CARD8: variants seen among roughly 807,000 people sequenced by gnomAD.
The protein encoded by CARD8 is caspase recruitment domain family member 8, also known as caspase recruitment domain-containing protein 8.
CARD8 carries 38 observed loss-of-function variants against 53.2 expected under a neutral mutation model. The ratio of observed to expected loss-of-function variants is 0.71; its 90% CI spans 0.55 to 0.94. The LOEUF (loss-of-function observed/expected upper bound fraction) is 0.94. CARD8 is among the 40% of genes least tolerant of loss of function. The pLI is 0.00. For synonymous variants in CARD8, 245 were observed against 244.9 expected (o/e 1.00, Z 0.00); for missense variants, 561 against 655.5 (o/e 0.86, Z 1.57).
chr19:48,235,672 C>A (rs2043745913), intron 5 of CARD8, among the ~76,000 whole-genome samples: 1 of 152,140 alleles, frequency 6.6e-6, no homozygotes, highest in South Asian at 2.1e-4. Context: ...TCATGAGCCA[C>A]CGCACCCAGC....
chr19:48,235,506 A>T (rs1392832915), intron 5 of CARD8, among the ~76,000 whole-genome samples: 3 of 151,964 alleles, frequency 2.0e-5, no homozygotes, highest in African/African-American at 4.8e-5. Context: ...AACTAAAAGA[A>T]TTTTTCTGGG....
chr19:48,225,804 G>C (rs2041650156), intron 10 of CARD8, among the ~76,000 whole-genome samples: 1 of 152,120 alleles, frequency 6.6e-6, no homozygotes, highest in Non-Finnish European at 1.5e-5. Context: ...TGTAATCTCA[G>C]CACTTTGGGA....
chr19:48,223,670 G>C (rs556002938), intron 10 of CARD8: 201 of 335,098 alleles, frequency 6.0e-4, no homozygotes, highest in African/African-American at 4.0e-3. Flanking sequence ...ATATCACATT[G>C]CTAGGGTTAT....
rs371606988 is a variant in CARD8, at chr19:48,242,061, TG to T, written c.-43-999del. On this transcript the variant is annotated intron_variant, in intron 3 of 13. Transcript: ENST00000651546. ...TCTGTCTCCATAGGTTGACTCATTC[TG>T]GACATTTGATTTAATAGGAGTTGTT... 2.8e-3 allele frequency among the ~76,000 whole-genome samples: 430 copies of T among 152,090 alleles called. 1 individual carries two copies. Among genetic ancestry groups the T allele is most frequent in the African/African-American group, 9.5e-3 (393 of 41,388 alleles).
chr19:48,217,511 T>C (rs1013527003), intron 12 of CARD8, among the ~76,000 whole-genome samples: 5 of 152,260 alleles, frequency 3.3e-5, no homozygotes, highest in Middle Eastern at 3.2e-3. Flanking sequence ...TTTTATGTTA[T>C]AGTATGGAAT....
chr19:48,224,914 C>T (rs888515192), intron 10 of CARD8, among the ~76,000 whole-genome samples: 6 of 151,858 alleles, frequency 4.0e-5, no homozygotes, highest in Non-Finnish European at 4.4e-5. Context: ...CCACCGTGCC[C>T]GGCTAATTGT....
At chr19:48,247,432 C>T (rs1261475911) in intron 3 of CARD8, among the ~76,000 whole-genome samples, 1 of 152,034 alleles carries the variant, frequency 6.6e-6, no homozygotes, top group Non-Finnish European at 1.5e-5. Flanking sequence ...AAATAATATG[C>T]AATTTTAAAA....
downstream of CARD8, among the ~76,000 whole-genome samples, chr19:48,207,739 T>TTTTTGTTTTGTTTTG (rs2037445209): frequency 2.1e-5 from 2 of 97,088 alleles, no homozygotes; most frequent in African/African-American, 3.5e-5. Flanking sequence ...TTTCTGTTTT[T>TTTTTGTTTTGTTTTG]TTTTTTTTTT....
chr19:48,238,449 A>T lies in CARD8; in HGVS notation c.143T>A (p.Ile48Lys). 6.5e-7 allele frequency: 1 copy of T among 1,536,182 alleles called. No homozygotes were observed. Among genetic ancestry groups the T allele is most frequent in the Non-Finnish European group, 8.7e-7 (1 of 1,146,922 alleles). ...AGTTTTTGTGTATTGCAGTTCCCGT[A>T]TGCTATTGTCAACCAACAGTTTCCG... ...GSRKLLVDNS[I>K]RELQYTKTGI... Residue 48 changes from isoleucine (I) to lysine (K), a missense_variant, in exon 5 of 14, where the codon ATA (isoleucine) becomes AAA (lysine). Transcript: ENST00000651546.
At chr19:48,242,067 T>C (rs2045240083) in intron 3 of CARD8, among the ~76,000 whole-genome samples, 1 of 152,150 alleles carries the variant, frequency 6.6e-6, no homozygotes, top group Non-Finnish European at 1.5e-5. Context: ...ATTCTGGACA[T>C]TTGATTTAAT....
In CARD8 at chr19:48,230,795, G is replaced by A. The variant is rs764067338; in HGVS notation, c.754C>T (p.His252Tyr). The A allele has an allele frequency of 1.9e-6, 3 of 1,613,866 alleles. No individual in the cohort carries two copies. The highest frequency in any genetic ancestry group is 1.3e-5 in the African/African-American group (1 of 74,922). Reference sequence around the variant, plus strand: ...ACATTACCTTGGAGGGAGATGAAGTGGGGGAGGTGGATTTCGGCGACAGCC... The same window carrying A: ...ACATTACCTTGGAGGGAGATGAAGTAGGGGAGGTGGATTTCGGCGACAGCC... ...EEAVAEIHLP[H>Y]FISLQAGEVD... The change falls in exon 9 of 14, where the codon CAC becomes TAC. Residue 252 changes from histidine (H) to tyrosine (Y), a missense_variant. Coordinates refer to ENST00000651546, the MANE Select transcript of CARD8 (RefSeq NM_001184900.3).
In CARD8 at chr19:48,232,859, C is replaced by T. The variant is rs148279167; in HGVS notation, c.351-366G>A. 615 of 457,814 alleles carry T rather than the reference C, an allele frequency of 1.3e-3. 3 individuals are homozygous for T. Among genetic ancestry groups the T allele is most frequent in the African/African-American group, 0.011 (539 of 50,346 alleles). The allele number at this position is 457,814 out of a possible 1,614,324, so 28.4% of individuals were successfully genotyped here. ...ACATTTATAAATAATAGAGATAACA[C>T]ACTCCCTTGAGCCAAATGTGTCTTG... is the stretch of plus-strand genomic sequence containing the variant. On this transcript the variant is annotated intron_variant, in intron 6 of 13. Transcript: ENST00000651546.
Position 48,237,965 on chromosome 19 carries a change from A to G in CARD8, c.209+418T>C, listed in dbSNP as rs182428891. On this transcript the variant is annotated intron_variant, in intron 5 of 13. Coordinates refer to ENST00000651546, the MANE Select transcript of CARD8 (RefSeq NM_001184900.3). ...GAGTGCAGTTGCACGATCTCGGCTC[A>G]CTGCAACCTCCGCCTCCCAGGTTTG... Among the ~76,000 whole-genome samples the G allele has an allele frequency of 4.5e-4, 68 of 151,816 alleles. No homozygotes were observed. The East Asian group carries it at 0.01, about 22-fold the overall frequency.
At chr19:48,207,487 AT>A (rs2037401311), downstream of CARD8, among the ~76,000 whole-genome samples, 2 of 73,424 alleles carry the variant, frequency 2.7e-5, no homozygotes, top group African/African-American at 7.5e-5. Flanking sequence ...AAAATGTAGT[AT>A]TTTTATGGCT....
chr19:48,231,605 C>A, intron 8 of CARD8, 55 bp downstream of exon 8: 1 of 1,528,864 alleles, frequency 6.5e-7, no homozygotes, highest in Non-Finnish European at 8.8e-7. Context: ...GCCTGGCCTA[C>A]ACACTTCCTT....
chr19:48,234,914 T>C (rs1040864940), intron 5 of CARD8, among the ~76,000 whole-genome samples: 19 of 152,130 alleles, frequency 1.2e-4, no homozygotes, highest in Non-Finnish European at 2.2e-4. Context: ...GATTCCTAAT[T>C]TGTAGTCTCC....
chr19:48,218,861 A>G lies in CARD8; in HGVS notation c.1303+10T>C, dbSNP rs1282373748. The G allele has an allele frequency of 1.2e-6, 2 of 1,613,656 alleles. No homozygotes were observed. Among genetic ancestry groups the G allele is most frequent in the Admixed American group, 3.3e-5 (2 of 59,960 alleles). On this transcript the variant is annotated intron_variant, in intron 12 of 13. Coordinates refer to ENST00000651546, the MANE Select transcript of CARD8 (RefSeq NM_001184900.3). ...CTGTCTAAAAATGCCAGCCTCGCCC[A>G]CTCACCTACCTGGCTTCACCTCAGT...
intron 3 of CARD8, among the ~76,000 whole-genome samples, chr19:48,243,271 TC>T (rs1222895874): frequency 2.0e-5 from 3 of 152,056 alleles, no homozygotes; most frequent in Non-Finnish European, 4.4e-5. Flanking sequence ...CCTCAGCCTC[TC>T]AAAGTGCTGG....
chr19:48,224,947 G>A (rs956854701), intron 10 of CARD8, among the ~76,000 whole-genome samples: 3 of 151,582 alleles, frequency 2.0e-5, no homozygotes, highest in African/African-American at 2.4e-5. Flanking sequence ...TAGAGACGGG[G>A]TTTCACCGTG....
Sources: allele counts gnomAD v4.1 joint callset (sites outside exome capture counted in the v4.1 genomes callset), GRCh38; gene constraint gnomAD v4.1.1; transcripts MANE v1.5; gene names NCBI Gene and HGNC (gene_info 2026-07-23, HGNC 2026-07-21).